Variants in ARHGEF4 observed in about 807,000 individuals in gnomAD.
The protein encoded by ARHGEF4 is Rho guanine nucleotide exchange factor 4.
Under a neutral mutation model 162.0 loss-of-function variants are expected in ARHGEF4, and 119 were observed. That is an observed-to-expected ratio of 0.73 (90% CI 0.63 to 0.86). ARHGEF4 has a LOEUF of 0.86. ARHGEF4 is among the 40% of genes least tolerant of loss of function. ARHGEF4 has a pLI of 0.00. For synonymous variants in ARHGEF4, 1,014 were observed against 979.9 expected, an observed-to-expected ratio of 1.03 and a Z score of -0.65; for missense variants, 2,488 against 2,456.0, an observed-to-expected ratio of 1.01 and a Z score of -0.28.
intron 2 of ARHGEF4, among the ~76,000 whole-genome samples, chr2:130,923,033 C>T (rs937313018): frequency 3.3e-5 from 5 of 151,978 alleles, no homozygotes; most frequent in African/African-American, 1.2e-4. Context: ...CGGGTTCAAG[C>T]AATTCTCCTG....
At chr2:130,949,673 T>A (rs1168514361) in intron 4 of ARHGEF4, among the ~76,000 whole-genome samples, 1 of 151,346 alleles carries the variant, frequency 6.6e-6, no homozygotes, top group Non-Finnish European at 1.5e-5. Flanking sequence ...TTCGATGGGG[T>A]CTCGCTCTGT....
chr2:130,849,551 T>A (rs1433394360), intron 1 of ARHGEF4, among the ~76,000 whole-genome samples: 2 of 151,066 alleles, frequency 1.3e-5, no homozygotes. Context: ...CACACCTCCT[T>A]TCCATGATCT....
At position 130,915,037 on chromosome 2, in the gene ARHGEF4, AG is replaced by A; in HGVS notation, c.1093del (p.Glu365LysfsTer65). 6.4e-7 allele frequency: 1 copy of A among 1,550,708 alleles called. No homozygotes were observed. Among genetic ancestry groups the A allele is most frequent in the Non-Finnish European group, 8.7e-7 (1 of 1,147,030 alleles). ...GTTGTGAAGTCTGGGACCCATGTGA[AG>A]GAAGGGGCCAAAAATGAACGAGATC... ...QNVVKSGTHV[K>X]EGAKNERDPR... On this transcript the variant is annotated frameshift_variant, in exon 2 of 14. Coordinates refer to ENST00000409359, the MANE Select transcript of ARHGEF4 (RefSeq NM_001367493.1). LOFTEE classifies it high-confidence loss of function.
intron 4 of ARHGEF4, among the ~76,000 whole-genome samples, chr2:130,989,996 G>T (rs751735644): frequency 2.0e-5 from 3 of 152,212 alleles, no homozygotes; most frequent in Non-Finnish European, 2.9e-5. Context: ...ATCACTGATG[G>T]TTATGATGTA....
At chr2:130,976,151 G>A (rs1685689384) in intron 4 of ARHGEF4, among the ~76,000 whole-genome samples, 1 of 151,668 alleles carries the variant, frequency 6.6e-6, no homozygotes, top group South Asian at 2.1e-4. Context: ...TGAGTGTGAA[G>A]AAGAAGCTCA....
intron 1 of ARHGEF4, among the ~76,000 whole-genome samples, chr2:130,845,024 G>A (rs1186824748): frequency 3.3e-5 from 5 of 151,290 alleles, no homozygotes; most frequent in African/African-American, 7.3e-5. Context: ...GAGTTTCACC[G>A]TGTTGGCCAG....
rs759552220 is a variant in ARHGEF4 at position 130,916,559 on chromosome 2, G to A, written c.2613G>A (p.Pro871=). The A allele has an allele frequency of 3.2e-6, 5 of 1,550,218 alleles. No homozygotes were observed. The highest frequency in any genetic ancestry group is 2.4e-5 in the South Asian group (2 of 84,050). ...PQAAGDRTAG[P]AGAGHTGTSG... ...CTGCAGGCGACAGGACTGCAGGGCC[G>A]GCAGGAGCGGGGCACACGGGGACCT... Residue 871 remains proline (P), a synonymous_variant, in exon 2 of 14, where the codon CCG becomes CCA. Transcript: ENST00000409359.
At chr2:131,000,329 T>C (rs1297620976) in intron 4 of ARHGEF4, among the ~76,000 whole-genome samples, 1 of 152,230 alleles carries the variant, frequency 6.6e-6, no homozygotes, top group Admixed American at 6.5e-5. Context: ...CACTGTTGTA[T>C]TTGATTAGCT....
intron 4 of ARHGEF4, among the ~76,000 whole-genome samples, chr2:130,977,346 TGTAGA>T (rs1685807152): frequency 6.6e-6 from 1 of 152,044 alleles, no homozygotes; most frequent in African/African-American, 2.4e-5. Flanking sequence ...ATGTGGTGTG[TGTAGA>T]GTATGGTGCC....
intron 4 of ARHGEF4, among the ~76,000 whole-genome samples, chr2:130,995,117 G>A (rs1687292424): frequency 6.6e-6 from 1 of 152,146 alleles, no homozygotes; most frequent in Admixed American, 6.5e-5. Context: ...TTCAAACATT[G>A]CTTCCAGCAT....
intron 2 of ARHGEF4, among the ~76,000 whole-genome samples, chr2:130,919,404 C>A (rs1056285521): frequency 6.6e-6 from 1 of 152,106 alleles, no homozygotes; most frequent in African/African-American, 2.4e-5. Context: ...ATCTGAGTGC[C>A]CATTTCCTCA....
At chr2:130,885,990 C>T (rs1227536920) in intron 1 of ARHGEF4, among the ~76,000 whole-genome samples, 1 of 152,054 alleles carries the variant, frequency 6.6e-6, no homozygotes, top group Non-Finnish European at 1.5e-5. Flanking sequence ...TGTTCACACC[C>T]AGCACTCTAG....
At chr2:130,955,135 G>A (rs4419265) in intron 4 of ARHGEF4, among the ~76,000 whole-genome samples, 149,510 of 152,312 alleles carry the variant, frequency 0.98, 73,430 homozygotes, top group Middle Eastern at 1. Flanking sequence ...TTTTTTAAAA[G>A]ATTTGAATGC....
chr2:130,898,704 G>A (rs1206388309), intron 1 of ARHGEF4, among the ~76,000 whole-genome samples: 3 of 152,076 alleles, frequency 2.0e-5, no homozygotes, highest in South Asian at 2.1e-4. Flanking sequence ...CAGTGGGTGC[G>A]AACACAACAA....
At chr2:130,947,493 T>G (rs1291140188) in intron 4 of ARHGEF4, among the ~76,000 whole-genome samples, 1 of 152,172 alleles carries the variant, frequency 6.6e-6, no homozygotes, top group African/African-American at 2.4e-5. Flanking sequence ...CGTAGTAGGA[T>G]GTATAACTTC....
At chr2:130,979,742 A>AAG (rs1685990574) in intron 4 of ARHGEF4, among the ~76,000 whole-genome samples, 1 of 150,260 alleles carries the variant, frequency 6.7e-6, no homozygotes, top group South Asian at 2.1e-4. Context: ...TCTAAAAAAA[A>AAG]AAAAAAAAAA....
intron 1 of ARHGEF4, among the ~76,000 whole-genome samples, chr2:130,904,108 G>C (rs895255072): frequency 1.3e-5 from 2 of 152,154 alleles, no homozygotes; most frequent in African/African-American, 4.8e-5. Context: ...GCTCTCCACA[G>C]GGGCTGTGCT....
In ARHGEF4 at chr2:130,916,260, T is replaced by C. The variant is rs766420852; in HGVS notation, c.2314T>C (p.Leu772=). Residue 772 remains leucine, a synonymous_variant, in exon 2 of 14, where the codon TTG becomes CTG. Coordinates refer to ENST00000409359, the MANE Select transcript of ARHGEF4 (RefSeq NM_001367493.1). ...GGGCCAGCGCCCCCGCGTCCCCGCC[T>C]TGGAGCCGCCCCAGCCGCCACGCGG... ...ARGQRPRVPA[L]EPPQPPRGLR... 1 of 1,526,742 alleles carries C rather than the reference T, an allele frequency of 6.5e-7. No individual in the cohort carries two copies. The highest frequency in any genetic ancestry group is 1.2e-5 in the South Asian group (1 of 80,832). 94.6% of individuals were successfully genotyped at this position (1,526,742 alleles called of 1,614,324 possible).
At chr2:131,034,265 C>T (rs1382947505) in intron 5 of ARHGEF4, among the ~76,000 whole-genome samples, 1 of 152,202 alleles carries the variant, frequency 6.6e-6, no homozygotes, top group Non-Finnish European at 1.5e-5. Context: ...GTGTTTAGCC[C>T]TCTCCCCTGC....
Sources: gnomAD v4.1 joint callset for allele counts (sites outside exome capture counted in the v4.1 genomes callset) on GRCh38, gnomAD v4.1.1 for gene constraint, MANE v1.5 for transcripts, NCBI Gene and HGNC (gene_info 2026-07-23, HGNC 2026-07-21) for gene names.